The following USP32 variants were observed in gnomAD, a reference collection of about 807,000 sequenced individuals.
USP32 encodes the protein ubiquitin carboxyl-terminal hydrolase 32.
In USP32, 59 loss-of-function variants were observed where a neutral mutation model predicts 204.8. That is an observed-to-expected ratio of 0.29 (90% CI 0.23 to 0.36). USP32 has a LOEUF of 0.36. USP32 is among the 10% of genes least tolerant of loss of function. The pLI is 1.00. For synonymous variants in USP32, 517 were observed against 678.4 expected, an observed-to-expected ratio of 0.76 and a Z score of 3.70; for missense variants, 1,160 against 1,946.4, an observed-to-expected ratio of 0.60 and a Z score of 7.60.
At chr17:60,396,935 A>G (rs1303969138), upstream of USP32, among the ~76,000 whole-genome samples, 1 of 152,244 alleles carries the variant, frequency 6.6e-6, no homozygotes, top group Non-Finnish European at 1.5e-5. Flanking sequence ...TACAAAGGTT[A>G]GGAGAAGGGT....
In USP32 at chr17:60,411,755, T is replaced by C. The variant is rs2090020454; in HGVS notation, c.106+10491A>G. Among the ~76,000 whole-genome samples, 3 of 152,070 alleles carry C rather than the reference T, an allele frequency of 2.0e-5. No individual in the cohort carries two copies. The South Asian group carries it at 6.2e-4, about 31-fold the overall frequency. The stretch of plus-strand genomic sequence containing the variant: ...GGAATTATATATTTGTTCATTTGTG[T>C]CTCGCTTATTTCACTTAGTAGAGTT... On this transcript the variant is annotated intron_variant, in intron 1 of 3. Coordinates refer to the USP32 transcript ENST00000588898.
chr17:60,316,512 T>C (rs2087981825), intron 2 of USP32, among the ~76,000 whole-genome samples: 1 of 152,158 alleles, frequency 6.6e-6, no homozygotes, highest in African/African-American at 2.4e-5. Flanking sequence ...GTATTTTTAA[T>C]ATTGTCTCTC....
rs182864138 is a variant in USP32, at chr17:60,196,706, T to C, written c.3434+1554A>G. 4.3e-3 allele frequency among the ~76,000 whole-genome samples: 652 copies of C among 151,448 alleles called. 7 individuals are homozygous for C. Among genetic ancestry groups the C allele is most frequent in the African/African-American group, 0.014 (590 of 41,248 alleles). On this transcript the variant is annotated intron_variant, in intron 27 of 33. Transcript: ENST00000300896. ...CAGGCATGGTGGCGGGCACCTGTAA[T>C]CCCAGCTACTCAGGAGGCTGAGGCA...
chr17:60,354,272 C>G (rs959683962), intron 1 of USP32, among the ~76,000 whole-genome samples: 2 of 151,938 alleles, frequency 1.3e-5, no homozygotes, highest in Non-Finnish European at 2.9e-5. Context: ...GAGCAAAGAC[C>G]AAGTCTATTC....
At chr17:60,280,427 T>C (rs2086942546) in intron 5 of USP32, among the ~76,000 whole-genome samples, 1 of 152,184 alleles carries the variant, frequency 6.6e-6, no homozygotes, top group South Asian at 2.1e-4. Flanking sequence ...TCTAAGTCTG[T>C]ACTGAATACA....
At chr17:60,238,618 C>T (rs2085796737) in intron 11 of USP32, among the ~76,000 whole-genome samples, 1 of 152,038 alleles carries the variant, frequency 6.6e-6, no homozygotes, top group Admixed American at 6.6e-5. Flanking sequence ...GCCTGACTAA[C>T]ATGGTGAAAC....
chr17:60,310,653 C>A (rs1043901828), intron 2 of USP32, among the ~76,000 whole-genome samples: 1 of 151,744 alleles, frequency 6.6e-6, no homozygotes, highest in Admixed American at 6.6e-5. Context: ...GAGCCAAGAT[C>A]GACCCACTGC....
intron 2 of USP32, among the ~76,000 whole-genome samples, chr17:60,302,237 CA>C (rs2087601477): frequency 6.6e-6 from 1 of 152,034 alleles, no homozygotes; most frequent in Admixed American, 6.6e-5. Context: ...CCAGTTCAAG[CA>C]ATTCTCCTGC....
intron 1 of USP32, among the ~76,000 whole-genome samples, chr17:60,398,550 A>G: frequency 6.6e-6 from 1 of 152,210 alleles, no homozygotes; most frequent in East Asian, 1.9e-4. Flanking sequence ...CCTCATGCCT[A>G]TTTAACATCT....
chr17:60,241,526 T>C (rs1392110484), intron 11 of USP32, among the ~76,000 whole-genome samples: 1 of 152,076 alleles, frequency 6.6e-6, no homozygotes, highest in Non-Finnish European at 1.5e-5. Flanking sequence ...AAATGGGCAG[T>C]TTGTTCTTTA....
At chr17:60,233,084 A>G (rs2145622332) in intron 12 of USP32, among the ~76,000 whole-genome samples, 1 of 152,334 alleles carries the variant, frequency 6.6e-6, no homozygotes, top group Non-Finnish European at 1.5e-5. Context: ...AGCAAGTGCA[A>G]GGGACAAGAG....
At chr17:60,270,766 T>C (rs2086704956) in intron 6 of USP32, among the ~76,000 whole-genome samples, 1 of 144,384 alleles carries the variant, frequency 6.9e-6, no homozygotes, top group Non-Finnish European at 1.5e-5. Context: ...GAGGTTGCAG[T>C]GAGCCGAGAT....
At chr17:60,317,502 T>A (rs1309081893) in intron 2 of USP32, among the ~76,000 whole-genome samples, 8 of 136,188 alleles carry the variant, frequency 5.9e-5, no homozygotes, top group African/African-American at 2.2e-4. Flanking sequence ...GGTGACAGAG[T>A]GAGACCCTGT....
At chr17:60,186,807 A>C (rs1327425983) in intron 29 of USP32, among the ~76,000 whole-genome samples, 2 of 152,108 alleles carry the variant, frequency 1.3e-5, no homozygotes, top group Non-Finnish European at 1.5e-5. Context: ...AACAGAAAAG[A>C]AACAATTTTT....
chr17:60,416,454 C>G (rs565824244), intron 1 of USP32, among the ~76,000 whole-genome samples: 1 of 152,154 alleles, frequency 6.6e-6, no homozygotes, highest in South Asian at 2.1e-4. Flanking sequence ...CCCACAACCC[C>G]CTCACCTGCC....
chr17:60,401,420 CAGGTAGATAGATCTT>C (rs2089934568), intron 1 of USP32, among the ~76,000 whole-genome samples: 1 of 152,124 alleles, frequency 6.6e-6, no homozygotes, highest in Non-Finnish European at 1.5e-5. Context: ...CGAATGCTTT[CAGGTAGATAGATCTT>C]AGGAGCTTTA....
In USP32 at chr17:60,329,054, A is replaced by G. The variant is rs142661032; in HGVS notation, c.186+16427T>C. 6.6e-3 allele frequency among the ~76,000 whole-genome samples: 1,009 copies of G among 152,334 alleles called. 15 individuals carry two copies. The highest frequency in any genetic ancestry group is 0.023 in the African/African-American group (970 of 41,582). On this transcript the variant is annotated intron_variant, in intron 2 of 33. Transcript: ENST00000300896. The stretch of plus-strand genomic sequence containing the variant: ...GGCCCAGACAAAGGCGCCACCAGCC[A>G]CACGTTTCTGGCCAGAAAGGAGACA...
At chr17:60,388,231 C>T (rs771835373) in intron 1 of USP32, among the ~76,000 whole-genome samples, 9 of 151,540 alleles carry the variant, frequency 5.9e-5, no homozygotes, top group Admixed American at 1.3e-4. Flanking sequence ...GAAATTCACC[C>T]ACTGTATTTT....
rs1287485343 is a variant in USP32 at position 60,179,436 on chromosome 17, G to A, written c.4642-8C>T. ...TTCATCCGGGTGAAGTTCCTGAAAG[G>A]GCAAGAAAAACCTTTAACAAAAAGC... On this transcript the variant is annotated splice_polypyrimidine_tract_variant and splice_region_variant and intron_variant, in intron 33 of 33. Coordinates refer to ENST00000300896, the MANE Select transcript of USP32 (RefSeq NM_032582.4). 1.2e-6 allele frequency: 2 copies of A among 1,611,584 alleles called. No homozygotes were observed. The highest frequency in any genetic ancestry group is 1.7e-6 in the Non-Finnish European group (2 of 1,179,590).
Sources: gnomAD v4.1 joint callset for allele counts (sites outside exome capture counted in the v4.1 genomes callset) on GRCh38, gnomAD v4.1.1 for gene constraint, MANE v1.5 for transcripts, NCBI Gene and HGNC (gene_info 2026-07-23, HGNC 2026-07-21) for gene names.